PCDH11X: variants seen among roughly 807,000 people sequenced by gnomAD.
PCDH11X encodes protocadherin 11 X-linked.
A neutral mutation model predicts 53.3 loss-of-function variants in PCDH11X; 18 were observed. That is an observed-to-expected ratio of 0.34 (90% confidence interval 0.23 to 0.50). PCDH11X has a LOEUF of 0.50. Ranked by LOEUF, PCDH11X falls within the 20% of genes least tolerant of loss-of-function variation. The probability of loss-of-function intolerance (pLI) is 0.98; values close to 1 mark genes in which losing one functional copy is unlikely to be tolerated. For missense variants in PCDH11X, 570 were observed against 1,032.4 expected, an observed-to-expected ratio of 0.55 and a Z score of 6.14; for synonymous variants, 279 against 393.3, an observed-to-expected ratio of 0.71 and a Z score of 3.44.
At chrX:92,069,442 G>A (rs1338290828) in intron 6 of PCDH11X, among the ~76,000 whole-genome samples, 1 of 110,160 alleles carries the variant, frequency 9.1e-6, no homozygotes, top group Non-Finnish European at 1.9e-5. Context: ...TCTGTCTTTT[G>A]ATTAGAGAGT....
chrX:92,533,445 T>C (rs1187740831), intron 10 of PCDH11X, among the ~76,000 whole-genome samples: 1 of 98,841 alleles, frequency 1.0e-5, no homozygotes, highest in Non-Finnish European at 2.0e-5. Flanking sequence ...TAACACTGGG[T>C]GTGTAGATGT....
intron 7 of PCDH11X, among the ~76,000 whole-genome samples, chrX:92,205,178 A>C (rs1217317026): frequency 8.9e-6 from 1 of 111,913 alleles, no homozygotes; most frequent in Non-Finnish European, 1.9e-5. Flanking sequence ...GTTGGAAGCA[A>C]AATGGGGTCA....
At chrX:92,188,149 TG>T (rs2066131244) in intron 6 of PCDH11X, among the ~76,000 whole-genome samples, 1 of 111,325 alleles carries the variant, frequency 9.0e-6, no homozygotes, top group African/African-American at 3.3e-5. Flanking sequence ...ATGGAGTAAC[TG>T]GGGAAGTGAT....
intron 10 of PCDH11X, among the ~76,000 whole-genome samples, chrX:92,579,613 A>G (rs1923408571): frequency 9.0e-6 from 1 of 110,707 alleles, no homozygotes; most frequent in Admixed American, 9.7e-5. Flanking sequence ...TTTTCTCTCT[A>G]AACTGGTTAT....
chrX:92,154,869 C>T (rs2065502467), intron 6 of PCDH11X, among the ~76,000 whole-genome samples: 1 of 101,352 alleles, frequency 9.9e-6, no homozygotes, highest in Non-Finnish European at 2.0e-5. Context: ...TGCACTCATT[C>T]TCCAAGCCCA....
At chrX:92,168,375 A>G (rs1392578692) in intron 6 of PCDH11X, among the ~76,000 whole-genome samples, 2 of 111,171 alleles carry the variant, frequency 1.8e-5, no homozygotes, top group African/African-American at 6.5e-5. Context: ...CTTGGGCAAC[A>G]TAGTGAGACC....
chrX:92,186,146 A>G (rs2066089116), intron 6 of PCDH11X, among the ~76,000 whole-genome samples: 1 of 111,983 alleles, frequency 8.9e-6, no homozygotes, highest in Non-Finnish European at 1.9e-5. Flanking sequence ...AAAATATGGT[A>G]TATATACAGA....
intron 10 of PCDH11X, among the ~76,000 whole-genome samples, chrX:92,489,397 T>C (rs1474230124): frequency 4.5e-5 from 5 of 111,103 alleles, no homozygotes; most frequent in Non-Finnish European, 7.5e-5. Context: ...AGACAATGGC[T>C]ACTTAGAGAC....
intron 6 of PCDH11X, among the ~76,000 whole-genome samples, chrX:92,096,394 C>A (rs1257064865): frequency 3.7e-5 from 4 of 107,865 alleles, no homozygotes; most frequent in African/African-American, 1.4e-4. Flanking sequence ...AATGAATAGA[C>A]AAGTTTATAC....
chrX:91,823,799 G>A (rs1936795236), intron 4 of PCDH11X, among the ~76,000 whole-genome samples: 1 of 111,282 alleles, frequency 9.0e-6, no homozygotes, highest in Non-Finnish European at 1.9e-5. Flanking sequence ...GCATGATTTT[G>A]CAGTGGCTGG....
At chrX:92,134,199 T>C (rs1027159790) in intron 6 of PCDH11X, among the ~76,000 whole-genome samples, 23 of 111,656 alleles carry the variant, frequency 2.1e-4, no homozygotes, top group Non-Finnish European at 3.9e-4. Context: ...AGCAGAGGGA[T>C]GACTTTGAGT....
chrX:91,899,916 A>G (rs1432370653), intron 6 of PCDH11X, among the ~76,000 whole-genome samples: 2 of 111,645 alleles, frequency 1.8e-5, no homozygotes, highest in African/African-American at 3.3e-5. Flanking sequence ...TCTACTGCCC[A>G]TTCTGTATTC....
chrX:92,069,607 G>C (rs1442625674), intron 6 of PCDH11X, among the ~76,000 whole-genome samples: 1 of 110,548 alleles, frequency 9.0e-6, no homozygotes, highest in African/African-American at 3.3e-5. Flanking sequence ...TTAACTTCTT[G>C]CTTTTTAGTT....
intron 10 of PCDH11X, among the ~76,000 whole-genome samples, chrX:92,525,229 A>G (rs1282066657): frequency 1.8e-5 from 2 of 111,528 alleles, no homozygotes; most frequent in African/African-American, 6.5e-5. Context: ...TTTGTTTGCA[A>G]CTTGTTTTTC....
intron 8 of PCDH11X, among the ~76,000 whole-genome samples, chrX:92,302,872 GA>G (rs755743803): frequency 9.0e-6 from 1 of 110,826 alleles, no homozygotes; most frequent in East Asian, 2.8e-4. Flanking sequence ...GGAAATATAA[GA>G]GATAGAAAGT....
At chrX:91,805,774 C>T in intron 1 of PCDH11X, among the ~76,000 whole-genome samples, 1 of 108,606 alleles carries the variant, frequency 9.2e-6, no homozygotes. Flanking sequence ...TTCAGTGAGC[C>T]ATGGTGGCAC....
chrX:92,216,569 C>A (rs2066718865), intron 7 of PCDH11X, among the ~76,000 whole-genome samples: 1 of 105,054 alleles, frequency 9.5e-6, no homozygotes, highest in African/African-American at 3.5e-5. Context: ...ACCAAATCTA[C>A]GTCTGATTGG....
At chrX:92,533,457 G>A (rs1460036037) in intron 10 of PCDH11X, among the ~76,000 whole-genome samples, 3 of 99,328 alleles carry the variant, frequency 3.0e-5, no homozygotes, top group African/African-American at 1.1e-4. Context: ...TGTAGATGTG[G>A]GAAGGATTTC....
intron 10 of PCDH11X, among the ~76,000 whole-genome samples, chrX:92,511,516 T>C (rs1187658214): frequency 2.7e-5 from 3 of 112,103 alleles, no homozygotes; most frequent in African/African-American, 9.7e-5. Flanking sequence ...TGAAATAATT[T>C]TTTTAAACAC....
Sources: gnomAD v4.1 joint callset for allele counts (sites outside exome capture counted in the v4.1 genomes callset) on GRCh38, gnomAD v4.1.1 for gene constraint, MANE v1.5 for transcripts, NCBI Gene and HGNC (gene_info 2026-07-23, HGNC 2026-07-21) for gene names.